The following MB21D2 variants were observed in gnomAD, a reference collection of about 807,000 sequenced individuals.
MB21D2 encodes Mab-21 domain containing 2.
A neutral mutation model predicts 33.3 loss-of-function variants in MB21D2; 9 were observed. That is an observed-to-expected ratio of 0.27 (90% CI 0.16 to 0.47). The LOEUF (loss-of-function observed/expected upper bound fraction) is 0.47. Ranked by LOEUF, MB21D2 falls within the 20% of genes least tolerant of loss-of-function variation. The pLI is 0.99. For synonymous variants in MB21D2, 241 were observed against 236.3 expected, an observed-to-expected ratio of 1.02 and a Z score of -0.18; for missense variants, 540 against 624.6, an observed-to-expected ratio of 0.86 and a Z score of 1.44.
chr3:192,812,868 TTGA>T (rs10530771), intron 1 of MB21D2, among the ~76,000 whole-genome samples: 80,508 of 151,562 alleles, frequency 0.53, 21,639 homozygotes, highest in South Asian at 0.6. Flanking sequence ...ATTTTTTCCC[TTGA>T]TGCATACGTG....
At chr3:192,879,399 C>T (rs1351775184) in intron 1 of MB21D2, among the ~76,000 whole-genome samples, 2 of 152,242 alleles carry the variant, frequency 1.3e-5, no homozygotes, top group African/African-American at 4.8e-5. Context: ...TCCACCAATA[C>T]TCCCCAGCAT....
Position 192,796,862 on chromosome 3 carries a change from A to T in MB21D2, c.*1524T>A, listed in dbSNP as rs1720533422. ...TTTTTATTATTTTTGTGTTTGACTT[A>T]GATGGTTGAAATGTTTTCATTTTTC... On this transcript the variant is annotated 3_prime_UTR_variant, in exon 2 of 2. Coordinates refer to ENST00000392452, the MANE Select transcript of MB21D2 (RefSeq NM_178496.4). The T allele has an allele frequency of 6.6e-6, 1 of 152,504 alleles. No individual in the cohort carries two copies. The highest frequency in any genetic ancestry group is 2.4e-5 in the African/African-American group (1 of 41,424). 9.4% of individuals were successfully genotyped at this position (152,504 alleles called of 1,614,324 possible). A position where few individuals can be genotyped will look rare whatever the true frequency, so the allele number is the denominator to read the frequency against.
chr3:192,826,931 G>A (rs1310019576), intron 1 of MB21D2, among the ~76,000 whole-genome samples: 2 of 147,292 alleles, frequency 1.4e-5, no homozygotes, highest in African/African-American at 2.5e-5. Context: ...TTGCTCTGTC[G>A]CCCAGACTGG....
At chr3:192,815,833 A>G (rs1448778525) in intron 1 of MB21D2, among the ~76,000 whole-genome samples, 1 of 152,048 alleles carries the variant, frequency 6.6e-6, no homozygotes, top group East Asian at 1.9e-4. Context: ...TACCCATCAG[A>G]TAGGGATGGA....
At chr3:192,876,090 T>C (rs766070406) in intron 1 of MB21D2, among the ~76,000 whole-genome samples, 4 of 152,186 alleles carry the variant, frequency 2.6e-5, no homozygotes, top group Non-Finnish European at 5.9e-5. Context: ...GTTCTGACAC[T>C]TTTATGCTCA....
chr3:192,905,339 C>T (rs1402649020), intron 1 of MB21D2, among the ~76,000 whole-genome samples: 3 of 152,008 alleles, frequency 2.0e-5, no homozygotes, highest in Non-Finnish European at 4.4e-5. Flanking sequence ...GCAAAATATT[C>T]AAAAATTAGC....
chr3:192,846,499 T>C (rs1712682840), intron 1 of MB21D2, among the ~76,000 whole-genome samples: 1 of 152,204 alleles, frequency 6.6e-6, no homozygotes, highest in Non-Finnish European at 1.5e-5. Flanking sequence ...TGGCTCAATG[T>C]GTTCACATGT....
chr3:192,896,863 AC>A (rs563226764), intron 1 of MB21D2, among the ~76,000 whole-genome samples: 182 of 152,106 alleles, frequency 1.2e-3, no homozygotes, highest in African/African-American at 4.2e-3. Flanking sequence ...TGGCTGTGGG[AC>A]CCCCTAGGAG....
Position 192,798,142 on chromosome 3 carries a change from A to C in MB21D2, c.*244T>G, listed in dbSNP as rs1445195539. 3 of 428,446 alleles carry C rather than the reference A, an allele frequency of 7.0e-6. No individual in the cohort carries two copies. The highest frequency in any genetic ancestry group is 1.2e-5 in the Non-Finnish European group (3 of 243,014). 26.5% of individuals were successfully genotyped at this position (428,446 alleles called of 1,614,324 possible). A position where few individuals can be genotyped will look rare whatever the true frequency, so the allele number is the denominator to read the frequency against. ...TAAGATCTCCTTAAAAAGAAAAAAA[A>C]CTCCAACAAACTAAAGAGCATGACA... On this transcript the variant is annotated 3_prime_UTR_variant, in exon 2 of 2. Transcript: ENST00000392452. The surrounding 1 kb of genome is among the most constrained non-coding windows in gnomAD (Gnocchi z 4.8).
intron 1 of MB21D2, among the ~76,000 whole-genome samples, chr3:192,859,873 G>A (rs1006653980): frequency 6.6e-6 from 1 of 152,212 alleles, no homozygotes; most frequent in Admixed American, 6.5e-5. Flanking sequence ...GACCAACATG[G>A]AGAAAGTGTG....
At chr3:192,891,631 CA>C (rs1713855770) in intron 1 of MB21D2, among the ~76,000 whole-genome samples, 1 of 152,112 alleles carries the variant, frequency 6.6e-6, no homozygotes, top group Non-Finnish European at 1.5e-5. Flanking sequence ...TGGCACCTAG[CA>C]AACAGCCAAT....
chr3:192,903,320 T>C (rs1421705846), intron 1 of MB21D2, among the ~76,000 whole-genome samples: 2 of 152,210 alleles, frequency 1.3e-5, no homozygotes, highest in African/African-American at 2.4e-5. Flanking sequence ...CCCCTTTTCT[T>C]TTTGGCCCTC....
At chr3:192,873,021 C>G (rs906159430) in intron 1 of MB21D2, among the ~76,000 whole-genome samples, 1 of 151,996 alleles carries the variant, frequency 6.6e-6, no homozygotes, top group African/African-American at 2.4e-5. Flanking sequence ...CCCCCCCCAC[C>G]AAGCAAGCAA....
At chr3:192,889,411 G>T (rs1029267815) in intron 1 of MB21D2, among the ~76,000 whole-genome samples, 1 of 152,082 alleles carries the variant, frequency 6.6e-6, no homozygotes, top group Non-Finnish European at 1.5e-5. Context: ...TCAATGGGCT[G>T]CTTATTACAG....
At position 192,888,904 on chromosome 3, in the gene MB21D2, C is replaced by T. The variant is rs1713790005; in HGVS notation, c.211+28726G>A. ...CCAGACCAAGCTATCTAGAGTCCAG[C>T]TCTGTCACCCAGGCTGGAGTGCAGT... On this transcript the variant is annotated intron_variant, in intron 1 of 1. Coordinates refer to ENST00000392452, the MANE Select transcript of MB21D2 (RefSeq NM_178496.4). Among the ~76,000 whole-genome samples, 5 of 152,174 alleles carry T rather than the reference C, an allele frequency of 3.3e-5. No homozygotes were observed. In the South Asian group the frequency reaches 1.0e-3, roughly 32 times the overall value.
chr3:192,897,241 ATGCAACAAACAG>A (rs756712917), intron 1 of MB21D2, among the ~76,000 whole-genome samples: 24 of 152,164 alleles, frequency 1.6e-4, no homozygotes, highest in Non-Finnish European at 2.9e-4. Flanking sequence ...GCAACAAACT[ATGCAACAAACAG>A]AACGGTTGCA....
intron 1 of MB21D2, among the ~76,000 whole-genome samples, chr3:192,865,499 G>A (rs754359690): frequency 6.6e-6 from 1 of 152,224 alleles, no homozygotes; most frequent in East Asian, 1.9e-4. Flanking sequence ...GGCAAGAAGA[G>A]CAAGTACTGA....
At chr3:192,900,145 G>A (rs1714062250) in intron 1 of MB21D2, among the ~76,000 whole-genome samples, 1 of 151,916 alleles carries the variant, frequency 6.6e-6, no homozygotes, top group South Asian at 2.1e-4. Context: ...TTAGCCAGGC[G>A]TCGTGGCGGG....
At chr3:192,834,538 G>C (rs147262311) in intron 1 of MB21D2, among the ~76,000 whole-genome samples, 1 of 151,708 alleles carries the variant, frequency 6.6e-6, no homozygotes, top group Non-Finnish European at 1.5e-5. Context: ...TCTCCTGTGG[G>C]GCCACTCCTT....
Sources: gnomAD v4.1 joint callset for allele counts (sites outside exome capture counted in the v4.1 genomes callset) on GRCh38, gnomAD v4.1.1 for gene constraint, Gnocchi (gnomAD v3.1) non-coding constraint, MANE v1.5 for transcripts, NCBI Gene and HGNC (gene_info 2026-07-23, HGNC 2026-07-21) for gene names.